The following B4GALT6 variants were observed in gnomAD, a reference collection of about 807,000 sequenced individuals.
B4GALT6 encodes the protein UDP-Gal:beta-GlcNAc beta-1,4-galactosyltransferase 6.
Under a neutral mutation model 46.3 loss-of-function variants are expected in B4GALT6, and 14 were observed. That is an observed-to-expected ratio of 0.30 (90% CI 0.20 to 0.47). The LOEUF is 0.47. B4GALT6 is among the 20% of genes least tolerant of loss of function. The pLI is 0.99. For synonymous variants in B4GALT6, 168 were observed against 162.0 expected (o/e 1.04, Z -0.28); for missense variants, 386 against 480.1 (o/e 0.80, Z 1.83).
chr18:31,700,175 C>T, the B4GALT6 span, among the ~76,000 whole-genome samples: 2 of 151,990 alleles, frequency 1.3e-5, no homozygotes, highest in Non-Finnish European at 2.9e-5. Flanking sequence ...TAACTCAATA[C>T]ATGTTTTTAA....
the B4GALT6 span, among the ~76,000 whole-genome samples, chr18:31,699,876 T>A: frequency 6.6e-6 from 1 of 152,178 alleles, no homozygotes; most frequent in Non-Finnish European, 1.5e-5. Context: ...TTTCCCCATC[T>A]ATCATAGAAG....
At chr18:31,665,873 C>A (rs1011199623) in intron 2 of B4GALT6, among the ~76,000 whole-genome samples, 7 of 152,158 alleles carry the variant, frequency 4.6e-5, no homozygotes, top group Non-Finnish European at 1.0e-4. Flanking sequence ...ATTTTCTAGA[C>A]CTAGTTGGAA....
chr18:31,707,496 C>T, the B4GALT6 span, among the ~76,000 whole-genome samples: 2 of 152,036 alleles, frequency 1.3e-5, no homozygotes, highest in Non-Finnish European at 2.9e-5. Flanking sequence ...TGTTTTCTTT[C>T]CTGTTCTACA....
the B4GALT6 span, among the ~76,000 whole-genome samples, chr18:31,706,191 T>C: frequency 6.6e-6 from 1 of 152,154 alleles, no homozygotes; most frequent in Non-Finnish European, 1.5e-5. Flanking sequence ...CACATATGTA[T>C]ATGTATAAAT....
chr18:31,661,111 GA>G (rs1467654450), intron 2 of B4GALT6, among the ~76,000 whole-genome samples: 1 of 152,112 alleles, frequency 6.6e-6, no homozygotes, highest in African/African-American at 2.4e-5. Flanking sequence ...AAAATAAACA[GA>G]TCTACAAAAC....
chr18:31,661,448 C>A (rs1452982697), intron 2 of B4GALT6, among the ~76,000 whole-genome samples: 1 of 152,016 alleles, frequency 6.6e-6, no homozygotes, highest in Non-Finnish European at 1.5e-5. Context: ...AAAAGTTCTA[C>A]TTAAAAATGC....
intron 6 of B4GALT6, among the ~76,000 whole-genome samples, chr18:31,630,218 A>C (rs2073769079): frequency 6.6e-6 from 1 of 152,174 alleles, no homozygotes; most frequent in Non-Finnish European, 1.5e-5. Context: ...GATTAGCACC[A>C]GGCAAAACTG....
upstream of B4GALT6, chr18:31,685,940 C>G (rs1046320668): frequency 6.6e-6 from 1 of 152,132 alleles, no homozygotes; most frequent in Non-Finnish European, 1.5e-5. Context: ...AACCCTGGGT[C>G]ATCCTCGCTG....
the B4GALT6 span, among the ~76,000 whole-genome samples, chr18:31,719,407 A>G: frequency 6.6e-6 from 1 of 152,214 alleles, no homozygotes; most frequent in Non-Finnish European, 1.5e-5. Flanking sequence ...AAATCAATGG[A>G]CACATCTAGG....
rs150764246 is a variant in B4GALT6, at chr18:31,623,780, T to C, written c.*1834A>G. On this transcript the variant is annotated 3_prime_UTR_variant, in exon 9 of 9. Coordinates refer to ENST00000306851, the MANE Select transcript of B4GALT6 (RefSeq NM_004775.5). ...TTTTCTCAAAGTGTAAGGATTCAATTATTTTATGATTTAGTTTGTGGTCAT... is the reference window on the plus strand; with the variant it reads ...TTTTCTCAAAGTGTAAGGATTCAATCATTTTATGATTTAGTTTGTGGTCAT... 3.3e-5 allele frequency: 5 copies of C among 152,128 alleles called. No homozygotes were observed. Among genetic ancestry groups the C allele is most frequent in the African/African-American group, 1.2e-4 (5 of 41,580 alleles). 9.4% of individuals were successfully genotyped at this position (152,128 alleles called of 1,614,324 possible). A position where few individuals can be genotyped will look rare whatever the true frequency, so the allele number is the denominator to read the frequency against.
At chr18:31,655,893 C>A (rs2074131951) in intron 3 of B4GALT6, among the ~76,000 whole-genome samples, 1 of 151,936 alleles carries the variant, frequency 6.6e-6, no homozygotes, top group Non-Finnish European at 1.5e-5. Flanking sequence ...ATTAGAATCA[C>A]CTGAGAATTT....
At chr18:31,714,651 C>T in the B4GALT6 span, among the ~76,000 whole-genome samples, 387 of 152,262 alleles carry the variant, frequency 2.5e-3, 2 homozygotes, top group African/African-American at 9.0e-3. Context: ...TACAGTAAAG[C>T]GCAAATAATG....
At chr18:31,713,400 G>T in the B4GALT6 span, among the ~76,000 whole-genome samples, 1 of 152,116 alleles carries the variant, frequency 6.6e-6, no homozygotes. Context: ...TACTGAGCAC[G>T]GACCTTAAGC....
At chr18:31,711,669 C>T in the B4GALT6 span, among the ~76,000 whole-genome samples, 1 of 152,142 alleles carries the variant, frequency 6.6e-6, no homozygotes, top group Non-Finnish European at 1.5e-5. Flanking sequence ...TTCCAATGTC[C>T]TGAAATTCTT....
chr18:31,722,913 G>C, the B4GALT6 span, among the ~76,000 whole-genome samples: 2 of 152,086 alleles, frequency 1.3e-5, no homozygotes, highest in African/African-American at 4.8e-5. Context: ...AGGAAGTTGG[G>C]AATGATTATT....
At chr18:31,632,627 T>C (rs929415329) in intron 5 of B4GALT6, among the ~76,000 whole-genome samples, 1 of 152,200 alleles carries the variant, frequency 6.6e-6, no homozygotes, top group Non-Finnish European at 1.5e-5. Flanking sequence ...CCACCACACC[T>C]CCTGCCCCTA....
At chr18:31,639,508 ATAAT>A (rs1469074661) in intron 4 of B4GALT6, among the ~76,000 whole-genome samples, 2 of 152,224 alleles carry the variant, frequency 1.3e-5, no homozygotes, top group South Asian at 2.1e-4. Flanking sequence ...ATGAAGTTTG[ATAAT>A]TAATATATTT....
intron 3 of B4GALT6, among the ~76,000 whole-genome samples, chr18:31,652,843 G>C (rs1328531099): frequency 6.6e-6 from 1 of 152,102 alleles, no homozygotes; most frequent in East Asian, 1.9e-4. Flanking sequence ...TCGGCTTCCT[G>C]CAGCAAGCTC....
At chr18:31,710,813 A>ACCACACACACAC in the B4GALT6 span, among the ~76,000 whole-genome samples, 1 of 26,876 alleles carries the variant, frequency 3.7e-5, no homozygotes, top group Non-Finnish European at 9.3e-5. Context: ...TCCTGAATAC[A>ACCACACACACAC]CCACACACAC....
Sources: allele counts gnomAD v4.1 joint callset (sites outside exome capture counted in the v4.1 genomes callset), GRCh38; gene constraint gnomAD v4.1.1; transcripts MANE v1.5; gene names NCBI Gene and HGNC (gene_info 2026-07-23, HGNC 2026-07-21).